P4HA2: variants seen among roughly 807,000 people sequenced by gnomAD.
P4HA2 encodes the protein prolyl 4-hydroxylase subunit alpha-2.
A neutral mutation model predicts 76.9 loss-of-function variants in P4HA2; 46 were observed. That is an observed-to-expected ratio of 0.60 (90% CI 0.47 to 0.76). P4HA2 has a LOEUF of 0.76. Among genes scored for constraint, P4HA2 ranks in the 30% least tolerant of loss-of-function variants. The pLI, the probability that P4HA2 is intolerant of heterozygous loss-of-function variation, is 0.00. For missense variants in P4HA2, 583 were observed against 669.4 expected (o/e 0.87, Z 1.42); for synonymous variants, 243 against 254.0 (o/e 0.96, Z 0.41).
chr5:132,205,182 G>A, intron 8 of P4HA2, among the ~76,000 whole-genome samples: 2 of 152,236 alleles, frequency 1.3e-5, no homozygotes, highest in Middle Eastern at 6.8e-3. Context: ...TTACCATCCT[G>A]TGGAAGCTCA....
rs200355999 is a variant in P4HA2, at chr5:132,210,301, C to T, written c.692G>A (p.Arg231His). ...CTCCTTACCAAGGGAGAGCAGGCGG[C>T]GGGTGAGCTCCAGGGCACGGTGCAG... is the stretch of plus-strand genomic sequence containing the variant. The part of the protein sequence containing the change: ...GDLHRALELT[R>H]RLLSLDPSHE... The change falls in exon 6 of 15, where the codon CGC (arginine) becomes CAC (histidine). Residue 231 changes from arginine (R) to histidine (H), a missense_variant. By Grantham distance (29) the Arg-to-His change is conservative. Transcript: ENST00000360568. 23 of 1,613,944 alleles carry T rather than the reference C, an allele frequency of 1.4e-5. No individual in the cohort carries two copies. Among genetic ancestry groups the T allele is most frequent in the South Asian group, 7.7e-5 (7 of 91,080 alleles).
At position 132,209,260 on chromosome 5, in the gene P4HA2, T is replaced by G; in HGVS notation, c.781A>C (p.Thr261Pro). ...TCAGCTTCTGTCTGATTTGTTAACG[T>G]TTTTTCTCTCTCTTCCTCCAATAAC... ...EQLLEEEREK[T>P]LTNQTEAELA... is the part of the protein sequence containing the mutation. Residue 261 changes from threonine to proline, a missense_variant, in exon 7 of 15, where the codon ACG becomes CCG. Transcript: ENST00000360568. The G allele has an allele frequency of 6.2e-7, 1 of 1,613,994 alleles. No individual in the cohort carries two copies. The highest frequency in any genetic ancestry group is 1.1e-5 in the South Asian group (1 of 91,070).
Position 132,195,002 on chromosome 5 carries a change from G to A in P4HA2, c.1455C>T (p.Tyr485=). The change falls in exon 14 of 15, where the codon TAC becomes TAT. Residue 485 remains tyrosine, a synonymous_variant. Coordinates refer to ENST00000360568, the MANE Select transcript of P4HA2 (RefSeq NM_001017974.2). ...CACCTTCCCCGCTCCGCAAGAGGTT[G>A]TACCAGAACACAGCTGTACCCTGGG... The part of the protein sequence containing the change: ...WPKKGTAVFW[Y]NLLRSGEGDY... The A allele has an allele frequency of 6.2e-7, 1 of 1,612,240 alleles. No individual in the cohort carries two copies. Among genetic ancestry groups the A allele is most frequent in the South Asian group, 1.1e-5 (1 of 91,056 alleles).
intron 14 of P4HA2, 185 bp from the exon 15 acceptor site, chr5:132,193,265 TG>T (rs761547756): frequency 5.4e-6 from 3 of 556,062 alleles, no homozygotes; most frequent in Non-Finnish European, 9.7e-6. Flanking sequence ...GATAATTGTA[TG>T]AAATTCTGCC....
At chr5:132,197,989 A>G (rs1750920719) in intron 12 of P4HA2, 1 of 985,058 alleles carries the variant, frequency 1.0e-6, no homozygotes, top group Non-Finnish European at 1.2e-6. Context: ...GGAAAAAAAT[A>G]GGAGCCAGGA....
intron 3 of P4HA2, 106 bp from the exon 4 acceptor site, chr5:132,217,454 T>C: frequency 1.9e-6 from 2 of 1,080,070 alleles, no homozygotes; most frequent in Non-Finnish European, 1.4e-6. Context: ...CTGGGGCCCT[T>C]TTCATCAAGA....
rs549179722 is a variant in P4HA2 at position 132,191,013 on chromosome 5, T to C, written c.*1997A>G. On this transcript the variant is annotated 3_prime_UTR_variant, in exon 15 of 15. Transcript: ENST00000360568. ...ATTTATTTCTCATGGTTATGGGAACTGGAAAGTCCGAGATCAAGATGCTAG... is the reference window on the plus strand; with the variant it reads ...ATTTATTTCTCATGGTTATGGGAACCGGAAAGTCCGAGATCAAGATGCTAG... Among the ~76,000 whole-genome samples the C allele has an allele frequency of 1.3e-5, 2 of 152,352 alleles. No homozygotes were observed. The highest frequency in any genetic ancestry group is 4.8e-5 in the African/African-American group (2 of 41,572).
chr5:132,225,684 G>A (rs1391485181), intron 1 of P4HA2, among the ~76,000 whole-genome samples: 1 of 152,206 alleles, frequency 6.6e-6, no homozygotes, highest in African/African-American at 2.4e-5. Context: ...CCAGTCAGAA[G>A]CCAAACAGGC....
intron 6 of P4HA2, among the ~76,000 whole-genome samples, chr5:132,209,756 G>C (rs184112263): frequency 9.3e-5 from 12 of 128,506 alleles, no homozygotes; most frequent in Non-Finnish European, 1.6e-4. Context: ...GGCTGGATGA[G>C]TGAGACTCTG....
At chr5:132,218,421 C>T (rs1360153716) in intron 2 of P4HA2, 124 bp downstream of exon 2, 2 of 639,396 alleles carry the variant, frequency 3.1e-6, no homozygotes, top group Admixed American at 2.5e-5. Context: ...TTCCACTCTC[C>T]TCAGAACTGG....
At chr5:132,219,425 C>G (rs745485993) in intron 1 of P4HA2, among the ~76,000 whole-genome samples, 1 of 152,210 alleles carries the variant, frequency 6.6e-6, no homozygotes, top group African/African-American at 2.4e-5. Context: ...AAACCTCAGG[C>G]TGGGCTGCTG....
At chr5:132,206,087 G>A (rs1004120683) in intron 8 of P4HA2, among the ~76,000 whole-genome samples, 2 of 152,052 alleles carry the variant, frequency 1.3e-5, no homozygotes, top group African/African-American at 2.4e-5. Flanking sequence ...TGCCAACCTT[G>A]TTTGGCTCTT....
intron 12 of P4HA2, chr5:132,197,948 A>G (rs1750915381): frequency 1.1e-6 from 1 of 950,052 alleles, no homozygotes; most frequent in African/African-American, 1.8e-5. Context: ...GTTTTATGTT[A>G]TGTCTGTTTT....
At chr5:132,200,924 C>G (rs771185364) in intron 10 of P4HA2, 19 of 152,244 alleles carry the variant, frequency 1.2e-4, no homozygotes, top group Non-Finnish European at 2.6e-4. Flanking sequence ...ACCGTACCTA[C>G]TTTCTTTAAT....
chr5:132,203,742 C>T lies in P4HA2; in HGVS notation c.1251+6G>A. On this transcript the variant is annotated splice_donor_region_variant and intron_variant, in intron 10 of 14. Coordinates refer to ENST00000360568, the MANE Select transcript of P4HA2 (RefSeq NM_001017974.2). ...CAACTCCTACAGTCCCAGGTACTAT[C>T]TGTACCTGTAACAATTCTGCAGTCT... The T allele has an allele frequency of 6.6e-7, 1 of 1,518,170 alleles. No individual in the cohort carries two copies. The highest frequency in any genetic ancestry group is 9.2e-7 in the Non-Finnish European group (1 of 1,092,144). 94.0% of individuals were successfully genotyped at this position (1,518,170 alleles called of 1,614,324 possible). A position where few individuals can be genotyped will look rare whatever the true frequency, so the allele number is the denominator to read the frequency against.
At chr5:132,208,008 A>C (rs1487801670) in intron 7 of P4HA2, 124 bp from the exon 8 acceptor site, 15 of 685,832 alleles carry the variant, frequency 2.2e-5, no homozygotes, top group Non-Finnish European at 3.6e-5. Flanking sequence ...CACACCACAG[A>C]AGAAAACAAA....
At chr5:132,208,549 C>A (rs1174621254) in intron 7 of P4HA2, among the ~76,000 whole-genome samples, 1 of 151,590 alleles carries the variant, frequency 6.6e-6, no homozygotes, top group Non-Finnish European at 1.5e-5. Flanking sequence ...ACCTCACATC[C>A]TCAAGTCCCA....
chr5:132,225,857 G>A (rs1755317879), intron 1 of P4HA2, among the ~76,000 whole-genome samples: 1 of 152,216 alleles, frequency 6.6e-6, no homozygotes, highest in African/African-American at 2.4e-5. Context: ...AAGTCTGCCT[G>A]CTGAGCTCTC....
rs535694102 is a variant in P4HA2, at chr5:132,204,300, C to G, written c.1081-148G>C. ...ATGGCTCTAGCCAAGGCCCCAAGAT[C>G]CTGCAGGCCAGTTGAGGGCAAGAGT... is the stretch of plus-strand genomic sequence containing the variant. On this transcript the variant is annotated intron_variant, in intron 8 of 14. Transcript: ENST00000360568. 70 of 670,214 alleles carry G rather than the reference C, an allele frequency of 1.0e-4. No homozygotes were observed. In the African/African-American group the frequency reaches 1.2e-3, roughly 11 times the overall value. The allele number at this position is 670,214 out of a possible 1,614,324, so 41.5% of individuals were successfully genotyped here.
Sources: allele counts gnomAD v4.1 joint callset (sites outside exome capture counted in the v4.1 genomes callset), GRCh38; gene constraint gnomAD v4.1.1; transcripts MANE v1.5; gene names NCBI Gene and HGNC (gene_info 2026-07-23, HGNC 2026-07-21).